Variants in STK33 observed in about 807,000 individuals in gnomAD.
The protein encoded by STK33 is serine/threonine-protein kinase 33.
A neutral mutation model predicts 58.0 loss-of-function variants in STK33; 52 were observed. The ratio of observed to expected loss-of-function variants is 0.90; its 90% CI spans 0.72 to 1.13. The LOEUF (loss-of-function observed/expected upper bound fraction) is 1.13, where lower values mean the gene tolerates loss of function less well. Ranked by LOEUF, STK33 falls within the 50% of genes most tolerant of loss-of-function variation. STK33 has a pLI of 0.00. For missense variants in STK33, 630 were observed against 604.2 expected, an observed-to-expected ratio of 1.04 and a Z score of -0.45; for synonymous variants, 215 against 200.1, an observed-to-expected ratio of 1.07 and a Z score of -0.63.
chr11:8,536,544 C>G (rs1301299533), intron 1 of STK33, among the ~76,000 whole-genome samples: 1 of 152,084 alleles, frequency 6.6e-6, no homozygotes, highest in Admixed American at 6.5e-5. Flanking sequence ...CAACCAGAAA[C>G]CATTATGTGC....
the STK33 span, among the ~76,000 whole-genome samples, chr11:8,381,907 T>C: frequency 6.6e-6 from 1 of 152,114 alleles, no homozygotes; most frequent in South Asian, 2.1e-4. Context: ...AACAGACACG[T>C]TGCATGTCAG....
chr11:8,412,862 G>A (rs533476132), intron 15 of STK33, among the ~76,000 whole-genome samples: 1 of 152,150 alleles, frequency 6.6e-6, no homozygotes, highest in African/African-American at 2.4e-5. Context: ...TCCAGTTAAC[G>A]GATCACAATC....
chr11:8,409,915 A>G (rs190508211), intron 15 of STK33, among the ~76,000 whole-genome samples: 1 of 152,180 alleles, frequency 6.6e-6, no homozygotes, highest in Admixed American at 6.5e-5. Flanking sequence ...GACTTGCCGA[A>G]CATCATAAAG....
intron 11 of STK33, among the ~76,000 whole-genome samples, chr11:8,447,456 T>C (rs1456129449): frequency 6.6e-6 from 1 of 152,186 alleles, no homozygotes; most frequent in Non-Finnish European, 1.5e-5. Context: ...GTGGGCTTCA[T>C]CTCTGGGATA....
At chr11:8,526,256 T>C (rs1258890630) in intron 1 of STK33, among the ~76,000 whole-genome samples, 1 of 151,906 alleles carries the variant, frequency 6.6e-6, no homozygotes, top group Non-Finnish European at 1.5e-5. Flanking sequence ...TAGCTGGTCA[T>C]GGTGTCAAGC....
the STK33 span, among the ~76,000 whole-genome samples, chr11:8,375,648 T>G: frequency 6.6e-6 from 1 of 152,166 alleles, no homozygotes. Flanking sequence ...TGGAGGCAGA[T>G]CAGTGAGCCA....
At chr11:8,494,857 T>C (rs1950926309) in intron 1 of STK33, among the ~76,000 whole-genome samples, 1 of 152,212 alleles carries the variant, frequency 6.6e-6, no homozygotes, top group Non-Finnish European at 1.5e-5. Flanking sequence ...GGATTCCCTA[T>C]TTAATAAATG....
chr11:8,456,778 T>C (rs188286633), intron 9 of STK33, among the ~76,000 whole-genome samples: 2 of 152,344 alleles, frequency 1.3e-5, no homozygotes, highest in African/African-American at 4.8e-5. Context: ...TAATGGTGGA[T>C]AAATGACATT....
chr11:8,346,853 C>A, the STK33 span, among the ~76,000 whole-genome samples: 16 of 152,212 alleles, frequency 1.1e-4, no homozygotes, highest in Admixed American at 8.5e-4. Context: ...ACAGGAAGGC[C>A]CGAGCTCTGG....
intron 8 of STK33, among the ~76,000 whole-genome samples, chr11:8,460,323 T>C (rs1210236302): frequency 6.6e-6 from 1 of 152,002 alleles, no homozygotes; most frequent in Non-Finnish European, 1.5e-5. Context: ...TTAAAACAGT[T>C]ATTATAACTC....
At chr11:8,576,678 A>G (rs890246202) in intron 1 of STK33, among the ~76,000 whole-genome samples, 1 of 152,176 alleles carries the variant, frequency 6.6e-6, no homozygotes, top group Admixed American at 6.6e-5. Flanking sequence ...TAACAACTCC[A>G]TAAGATAAGT....
chr11:8,558,426 C>T (rs1378915594), intron 1 of STK33, among the ~76,000 whole-genome samples: 2 of 143,896 alleles, frequency 1.4e-5, no homozygotes, highest in Non-Finnish European at 1.5e-5. Context: ...CACACACACA[C>T]GAAACCTAAT....
At chr11:8,586,318 G>A (rs1489997171) in intron 1 of STK33, among the ~76,000 whole-genome samples, 2 of 151,500 alleles carry the variant, frequency 1.3e-5, no homozygotes, top group African/African-American at 4.9e-5. Context: ...GTCATTGTCT[G>A]CCATTATTCT....
intron 14 of STK33, among the ~76,000 whole-genome samples, chr11:8,424,831 G>T: frequency 8.6e-6 from 1 of 116,916 alleles, no homozygotes; most frequent in African/African-American, 4.0e-5. Flanking sequence ...CTTTTTGATG[G>T]GGTTGTTTTT....
downstream of STK33, among the ~76,000 whole-genome samples, chr11:8,390,605 G>A (rs534520205): frequency 9.2e-5 from 14 of 152,336 alleles, no homozygotes; most frequent in South Asian, 2.1e-4. Flanking sequence ...TCTAGAAAGA[G>A]TGAGCTAAAT....
At chr11:8,479,667 A>AC (rs1264513607) in intron 2 of STK33, among the ~76,000 whole-genome samples, 1 of 151,834 alleles carries the variant, frequency 6.6e-6, no homozygotes, top group Non-Finnish European at 1.5e-5. Context: ...ATATGGTGAA[A>AC]CCCCGTCTCT....
chr11:8,496,921 A>C (rs1951103954), intron 1 of STK33, among the ~76,000 whole-genome samples: 1 of 152,142 alleles, frequency 6.6e-6, no homozygotes, highest in South Asian at 2.1e-4. Flanking sequence ...AATTAAAAAA[A>C]CAAGTAATTA....
intron 1 of STK33, among the ~76,000 whole-genome samples, chr11:8,496,922 C>A (rs1951104167): frequency 1.3e-5 from 2 of 151,912 alleles, no homozygotes; most frequent in Admixed American, 6.6e-5. Context: ...ATTAAAAAAA[C>A]AAGTAATTAT....
At position 8,436,636 on chromosome 11, in the gene STK33, A is replaced by G. The variant is rs537193268; in HGVS notation, c.948-497T>C. On this transcript the variant is annotated intron_variant, in intron 12 of 15. Coordinates refer to ENST00000687296, the MANE Select transcript of STK33 (RefSeq NM_001352389.2). ...TAATGGCCACCTAAGGCTTTTATCCATAGTAAAATACTGTACAAATGTTAG... is the reference window on the plus strand; with the variant it reads ...TAATGGCCACCTAAGGCTTTTATCCGTAGTAAAATACTGTACAAATGTTAG... Among the ~76,000 whole-genome samples the G allele has an allele frequency of 1.6e-4, 25 of 152,344 alleles. No homozygotes were observed. In the South Asian group the frequency reaches 4.8e-3, roughly 29 times the overall value.
Sources: gnomAD v4.1 joint callset for allele counts (sites outside exome capture counted in the v4.1 genomes callset) on GRCh38, gnomAD v4.1.1 for gene constraint, MANE v1.5 for transcripts, NCBI Gene and HGNC (gene_info 2026-07-23, HGNC 2026-07-21) for gene names.